The following NRCAM variants were observed in gnomAD, a reference collection of about 807,000 sequenced individuals.
The protein encoded by NRCAM is NgCAM-related cell adhesion molecule.
A neutral mutation model predicts 156.5 loss-of-function variants in NRCAM; 83 were observed. That is an observed-to-expected ratio of 0.53 (90% CI 0.44 to 0.64). The LOEUF is 0.64. Among genes scored for constraint, NRCAM ranks in the 30% least tolerant of loss-of-function variants. The pLI is 0.00. For missense variants in NRCAM, 1,417 were observed against 1,597.3 expected (o/e 0.89, Z 1.92); for synonymous variants, 538 against 563.9 (o/e 0.95, Z 0.65).
chr7:108,326,823 A>C (rs758225160), intron 2 of NRCAM, among the ~76,000 whole-genome samples: 1 of 152,222 alleles, frequency 6.6e-6, no homozygotes, highest in South Asian at 2.1e-4. Context: ...GTGATGATGC[A>C]TAGCAAATTT....
At chr7:108,231,300 A>T in intron 7 of NRCAM, 147 bp from the exon 8 acceptor site, 1 of 586,094 alleles carries the variant, frequency 1.7e-6, no homozygotes, top group Non-Finnish European at 2.8e-6. Flanking sequence ...TTTAAATACA[A>T]TGTTAAAAGA....
At chr7:108,256,084 G>A (rs1327888360) in intron 3 of NRCAM, among the ~76,000 whole-genome samples, 1 of 152,204 alleles carries the variant, frequency 6.6e-6, no homozygotes, top group Non-Finnish European at 1.5e-5. Flanking sequence ...TCTGGGAAGT[G>A]AGGAGCCCCT....
intron 3 of NRCAM, among the ~76,000 whole-genome samples, chr7:108,299,130 G>GAA (rs1404483448): frequency 1.3e-5 from 1 of 77,182 alleles, no homozygotes; most frequent in African/African-American, 4.8e-5. Flanking sequence ...AAGAAAGAAA[G>GAA]AAAGAAAGAA....
intron 2 of NRCAM, among the ~76,000 whole-genome samples, chr7:108,347,306 G>A (rs889813598): frequency 3.3e-5 from 5 of 152,098 alleles, no homozygotes; most frequent in Non-Finnish European, 7.3e-5. Flanking sequence ...AAAGTGCTGG[G>A]ATTATAGGCG....
At position 108,392,515 on chromosome 7, in the gene NRCAM, G is replaced by C. The variant is rs1384136102; in HGVS notation, c.-174+6921C>G. On this transcript the variant is annotated intron_variant, in intron 2 of 32. Coordinates refer to ENST00000379028, the MANE Select transcript of NRCAM (RefSeq NM_001037132.4). ...TTTTTGGCTTCTTTGCGATGGGTTT[G>C]AACATCCTCCTTTAGCTCAGAGAAG... Among the ~76,000 whole-genome samples the C allele has an allele frequency of 2.6e-5, 4 of 152,150 alleles. 1 individual carries two copies. Among genetic ancestry groups the C allele is most frequent in the Admixed American group, 2.6e-4 (4 of 15,280 alleles).
chr7:108,155,087 C>CATATATATATATATATATAT (rs148453642), intron 32 of NRCAM, among the ~76,000 whole-genome samples: 2 of 114,134 alleles, frequency 1.8e-5, no homozygotes, highest in African/African-American at 6.1e-5. Context: ...ATTTAAAAGT[C>CATATATATATATATATATAT]ATATATATAT....
chr7:108,204,608 G>A (rs2080050654), intron 13 of NRCAM, among the ~76,000 whole-genome samples: 2 of 152,192 alleles, frequency 1.3e-5, no homozygotes, highest in South Asian at 4.1e-4. Flanking sequence ...TGGTGGTGCC[G>A]GGCTCCTTGC....
At chr7:108,342,173 A>C (rs1330116647) in intron 2 of NRCAM, among the ~76,000 whole-genome samples, 1 of 152,178 alleles carries the variant, frequency 6.6e-6, no homozygotes, top group Non-Finnish European at 1.5e-5. Flanking sequence ...TCAGTAAGTG[A>C]ATGATTTACT....
intron 1 of NRCAM, among the ~76,000 whole-genome samples, chr7:108,428,912 A>AC (rs1430687494): frequency 7.6e-5 from 11 of 145,242 alleles, no homozygotes; most frequent in Non-Finnish European, 1.5e-4. Flanking sequence ...TGGAATTTTG[A>AC]CATGCCATTG....
intron 30 of NRCAM, among the ~76,000 whole-genome samples, chr7:108,161,723 CCATA>C (rs1298425787): frequency 6.6e-6 from 1 of 151,882 alleles, no homozygotes; most frequent in East Asian, 1.9e-4. Context: ...CTCTTTTTCT[CCATA>C]CAAAGTTTAG....
Position 108,423,470 on chromosome 7 carries a change from C to G in NRCAM, c.-331-23877G>C, listed in dbSNP as rs116393228. ...AAATGAGAAAATCATGAGTGAATGA[C>G]GAGATAAAAATAAAAGGTAACTTCA... On this transcript the variant is annotated intron_variant, in intron 1 of 32. Transcript: ENST00000379028. Among the ~76,000 whole-genome samples, 413 of 152,022 alleles carry G rather than the reference C, an allele frequency of 2.7e-3. 4 individuals are homozygous for G. The highest frequency in any genetic ancestry group is 9.5e-3 in the African/African-American group (393 of 41,468).
At chr7:108,365,702 G>C (rs866939918) in intron 2 of NRCAM, among the ~76,000 whole-genome samples, 12 of 152,240 alleles carry the variant, frequency 7.9e-5, no homozygotes, top group Middle Eastern at 3.4e-3. Flanking sequence ...CCTGAATACA[G>C]AGGCTGTGAA....
At chr7:108,426,072 G>C (rs1816901348) in intron 1 of NRCAM, among the ~76,000 whole-genome samples, 2 of 152,216 alleles carry the variant, frequency 1.3e-5, no homozygotes, top group Non-Finnish European at 2.9e-5. Flanking sequence ...TTTCAAGAGA[G>C]TACAGTGAAT....
chr7:108,220,376 C>A (rs2091780903), intron 11 of NRCAM, among the ~76,000 whole-genome samples: 1 of 151,978 alleles, frequency 6.6e-6, no homozygotes, highest in African/African-American at 2.4e-5. Flanking sequence ...CCAAAGAAGA[C>A]CCCACACAGC....
At chr7:108,281,769 G>C (rs904091484) in intron 3 of NRCAM, among the ~76,000 whole-genome samples, 1 of 152,226 alleles carries the variant, frequency 6.6e-6, no homozygotes, top group Non-Finnish European at 1.5e-5. Context: ...GGCCTGAGCC[G>C]GGGAAGGGGC....
At chr7:108,173,618 C>T (rs1013900815) in intron 28 of NRCAM, among the ~76,000 whole-genome samples, 1 of 152,144 alleles carries the variant, frequency 6.6e-6, no homozygotes, top group African/African-American at 2.4e-5. Context: ...TTAACTACTG[C>T]TATACTATTA....
At chr7:108,364,036 T>C (rs1013987454) in intron 2 of NRCAM, among the ~76,000 whole-genome samples, 3 of 152,224 alleles carry the variant, frequency 2.0e-5, no homozygotes, top group East Asian at 3.8e-4. Context: ...AATGTATTCA[T>C]ATTGATTCAT....
At chr7:108,356,773 C>A (rs2099503279) in intron 2 of NRCAM, among the ~76,000 whole-genome samples, 1 of 152,150 alleles carries the variant, frequency 6.6e-6, no homozygotes, top group Non-Finnish European at 1.5e-5. Context: ...CAGCCTGGAG[C>A]TCCTACAGAG....
intron 1 of NRCAM, among the ~76,000 whole-genome samples, chr7:108,436,000 G>A (rs56145857): frequency 0.25 from 37,486 of 152,150 alleles, 4,938 homozygotes; most frequent in Non-Finnish European, 0.29. Flanking sequence ...CGGGCGTGTT[G>A]GCGGGCACCT....
Sources: gnomAD v4.1 joint callset for allele counts (sites outside exome capture counted in the v4.1 genomes callset) on GRCh38, gnomAD v4.1.1 for gene constraint, MANE v1.5 for transcripts, NCBI Gene and HGNC (gene_info 2026-07-23, HGNC 2026-07-21) for gene names.